The following TET2 variants were observed in gnomAD, a reference collection of about 807,000 sequenced individuals.
TET2 encodes the protein tet methylcytosine dioxygenase 2.
TET2 carries 299 observed loss-of-function variants against 142.9 expected under a neutral mutation model. That is an observed-to-expected ratio of 2.09 (90% CI 1.90 to 2.30). TET2 has a LOEUF of 2.30. TET2 is among the 30% of genes most tolerant of loss of function. The pLI is 0.00. For missense variants in TET2, 2,418 were observed against 2,378.0 expected (o/e 1.02, Z -0.35); for synonymous variants, 819 against 849.0 (o/e 0.96, Z 0.61).
chr4:105,275,796 A>G lies in TET2; in HGVS notation c.5286A>G (p.Ile1762Met). 6.4e-7 allele frequency: 1 copy of G among 1,551,682 alleles called. No homozygotes were observed. The highest frequency in any genetic ancestry group is 1.2e-5 in the South Asian group (1 of 84,064). ...GTGAACATCATTCACCTTCTCACAT[A>G]ATCCATAACTACAGTGCAGCTCCGG... ...KNGEHHSPSH[I>M]IHNYSAAPGM... Residue 1762 changes from isoleucine (I) to methionine (M), a missense_variant, in exon 11 of 11, where the codon ATA (isoleucine) becomes ATG (methionine). Ile to Met is a conservative substitution (Grantham distance 10). Transcript: ENST00000380013.
intron 8 of TET2, among the ~76,000 whole-genome samples, chr4:105,268,059 C>T (rs1730775321): frequency 6.6e-6 from 1 of 152,034 alleles, no homozygotes; most frequent in African/African-American, 2.4e-5. Context: ...TGCTTCTATT[C>T]AACATCAAAC....
chr4:105,268,152 G>T (rs192410546), intron 8 of TET2, among the ~76,000 whole-genome samples: 1 of 152,138 alleles, frequency 6.6e-6, no homozygotes, highest in Non-Finnish European at 1.5e-5. Flanking sequence ...CTTATTTGCA[G>T]ATGACATGTT....
At chr4:105,265,480 A>G (rs1055657583) in intron 8 of TET2, among the ~76,000 whole-genome samples, 2 of 152,216 alleles carry the variant, frequency 1.3e-5, no homozygotes, top group African/African-American at 2.4e-5. Flanking sequence ...AGCTGATTGT[A>G]TATCTGTTTT....
chr4:105,234,245 T>A lies in TET2; in HGVS notation c.303T>A (p.Pro101=). 6.2e-7 allele frequency: 1 copy of A among 1,614,140 alleles called. No individual in the cohort carries two copies. The highest frequency in any genetic ancestry group is 8.5e-7 in the Non-Finnish European group (1 of 1,180,008). ...GAATAAAACGCACAGTTAGTGAACC[T>A]TCTCTCTCTGGGCTCCTTCAGATCA... ...NGGIKRTVSE[P]SLSGLLQIKK... The change falls in exon 3 of 11, where the codon CCT becomes CCA. Residue 101 remains proline (P), a synonymous_variant. Coordinates refer to ENST00000380013, the MANE Select transcript of TET2 (RefSeq NM_001127208.3).
intron 9 of TET2, among the ~76,000 whole-genome samples, chr4:105,270,891 C>A (rs1372575487): frequency 2.0e-5 from 3 of 152,098 alleles, no homozygotes; most frequent in Non-Finnish European, 4.4e-5. Flanking sequence ...GAATTAAAGT[C>A]ATATTCTAGG....
chr4:105,237,051 G>C lies in TET2; in HGVS notation c.3109G>C (p.Ala1037Pro), dbSNP rs748334095. Residue 1037 changes from alanine (A) to proline (P), a missense_variant, in exon 3 of 11, where the codon GCC (alanine) becomes CCC (proline). Physicochemically the swap from Ala to Pro is conservative, Grantham distance 27. Coordinates refer to ENST00000380013, the MANE Select transcript of TET2 (RefSeq NM_001127208.3). ...GGAGCAGCATCTGAAGCAGTTTCAC[G>C]CCAAGTCGTTATTTGACCATAAGGC... ...TMEQHLKQFH[A>P]KSLFDHKALT... 6.2e-7 allele frequency: 1 copy of C among 1,614,122 alleles called. No homozygotes were observed. Among genetic ancestry groups the C allele is most frequent in the East Asian group, 2.2e-5 (1 of 44,866 alleles).
intron 2 of TET2, among the ~76,000 whole-genome samples, chr4:105,216,785 G>A (rs1156530320): frequency 1.3e-5 from 2 of 151,916 alleles, no homozygotes; most frequent in East Asian, 1.9e-4. Flanking sequence ...ATCTTTTAGC[G>A]GATTTAGTTA....
chr4:105,221,863 C>T (rs1338682500), intron 2 of TET2, among the ~76,000 whole-genome samples: 29 of 151,220 alleles, frequency 1.9e-4, no homozygotes, highest in Non-Finnish European at 3.8e-4. Flanking sequence ...ATCCCTCCCC[C>T]GTCCCCCCAC....
At chr4:105,176,615 A>G (rs1189187667) in intron 1 of TET2, among the ~76,000 whole-genome samples, 1 of 152,198 alleles carries the variant, frequency 6.6e-6, no homozygotes, top group Non-Finnish European at 1.5e-5. Flanking sequence ...GAAAACTACA[A>G]AAGTGTAATG....
chr4:105,267,389 G>A (rs903297701), intron 8 of TET2, among the ~76,000 whole-genome samples: 3 of 151,928 alleles, frequency 2.0e-5, no homozygotes, highest in East Asian at 3.9e-4. Context: ...TATTAACAAT[G>A]TATTATGAGG....
chr4:105,159,247 C>T (rs986055624), intron 1 of TET2, among the ~76,000 whole-genome samples: 1 of 147,482 alleles, frequency 6.8e-6, no homozygotes, highest in African/African-American at 2.5e-5. Context: ...TTCTTTCTTT[C>T]TTTCTTTTTT....
chr4:105,262,697 C>T (rs891129940), intron 8 of TET2, among the ~76,000 whole-genome samples: 5 of 152,008 alleles, frequency 3.3e-5, no homozygotes, highest in African/African-American at 1.2e-4. Context: ...GCCTGATCAA[C>T]ATGGAGAAAC....
chr4:105,198,616 T>G (rs556750467), intron 2 of TET2, among the ~76,000 whole-genome samples: 2 of 152,278 alleles, frequency 1.3e-5, no homozygotes, highest in Non-Finnish European at 2.9e-5. Context: ...TTTTCTAAAT[T>G]TATGAGAATC....
At chr4:105,183,917 G>A (rs1293911632) in intron 1 of TET2, among the ~76,000 whole-genome samples, 1 of 152,030 alleles carries the variant, frequency 6.6e-6, no homozygotes, top group Non-Finnish European at 1.5e-5. Context: ...ATTTCTAGCG[G>A]GGATCTCTAA....
At chr4:105,240,900 A>G (rs1353192544) in intron 3 of TET2, 1 of 1,080,338 alleles carries the variant, frequency 9.3e-7, no homozygotes, top group Non-Finnish European at 1.1e-6. Flanking sequence ...AAACCAAGCA[A>G]TATTCTGGGG....
intron 2 of TET2, among the ~76,000 whole-genome samples, chr4:105,210,811 A>T (rs1727114349): frequency 6.6e-6 from 1 of 152,194 alleles, no homozygotes; most frequent in African/African-American, 2.4e-5. Flanking sequence ...TCTCTAGTTC[A>T]GGACATTCTA....
In TET2 at chr4:105,237,049, A is replaced by G; in HGVS notation, c.3107A>G (p.His1036Arg). The part of the protein sequence containing the change: ...ETMEQHLKQF[H>R]AKSLFDHKAL... ...ATGGAGCAGCATCTGAAGCAGTTTC[A>G]CGCCAAGTCGTTATTTGACCATAAG... is the stretch of plus-strand genomic sequence containing the variant. The change falls in exon 3 of 11, where the codon CAC becomes CGC. Residue 1036 changes from histidine to arginine, a missense_variant. His to Arg is a conservative substitution (Grantham distance 29, BLOSUM62 0). Transcript: ENST00000380013. 1 of 1,614,172 alleles carries G rather than the reference A, an allele frequency of 6.2e-7. No homozygotes were observed. Among genetic ancestry groups the G allele is most frequent in the Non-Finnish European group, 8.5e-7 (1 of 1,180,012 alleles).
chr4:105,209,694 C>T (rs113223979), intron 2 of TET2, among the ~76,000 whole-genome samples: 252 of 152,094 alleles, frequency 1.7e-3, no homozygotes, highest in African/African-American at 5.8e-3. Flanking sequence ...TATAAGAGGA[C>T]GTGTTTAAGA....
intron 2 of TET2, among the ~76,000 whole-genome samples, chr4:105,216,921 A>G (rs1406495024): frequency 6.6e-6 from 1 of 152,120 alleles, no homozygotes; most frequent in Non-Finnish European, 1.5e-5. Flanking sequence ...GTTATATGGA[A>G]ATTTCTTTGC....
Sources: allele counts gnomAD v4.1 joint callset (sites outside exome capture counted in the v4.1 genomes callset), GRCh38; gene constraint gnomAD v4.1.1; transcripts MANE v1.5; gene names NCBI Gene and HGNC (gene_info 2026-07-23, HGNC 2026-07-21).